Variants in FLOT2 observed in about 807,000 individuals in gnomAD.
The protein encoded by FLOT2 is flotillin 2, also known as flotillin-2.
Under a neutral mutation model 54.9 loss-of-function variants are expected in FLOT2, and 35 were observed. That is an observed-to-expected ratio of 0.64 (90% CI 0.49 to 0.84). The LOEUF (loss-of-function observed/expected upper bound fraction) is 0.84, where lower values mean the gene tolerates loss of function less well. Ranked by LOEUF, FLOT2 falls within the 40% of genes least tolerant of loss-of-function variation. FLOT2 has a pLI of 0.00. For missense variants in FLOT2, 464 were observed against 572.1 expected, an observed-to-expected ratio of 0.81 and a Z score of 1.93; for synonymous variants, 207 against 228.9, an observed-to-expected ratio of 0.90 and a Z score of 0.86.
At position 28,897,329 on chromosome 17, in the gene FLOT2, T is replaced by G. The variant is rs944791438; in HGVS notation, c.49+197A>C. 6.6e-6 allele frequency among the ~76,000 whole-genome samples: 1 copy of G among 152,226 alleles called. No individual in the cohort carries two copies. ...AACCCACAGCGGGAGGGGGAGCCCC[T>G]GGTGGGTGCCCGAGGGTGCGCAGCA... is the stretch of plus-strand genomic sequence containing the variant. On this transcript the variant is annotated intron_variant, in intron 1 of 10. Transcript: ENST00000394908. The surrounding 1 kb of genome is among the most constrained non-coding windows in gnomAD (Gnocchi z 4.4).
rs1258281167 is a variant in FLOT2, at chr17:28,897,536, C to T, written c.39G>A (p.Leu13=). 3.1e-6 allele frequency: 5 copies of T among 1,606,504 alleles called. No homozygotes were observed. Among genetic ancestry groups the T allele is most frequent in the Non-Finnish European group, 4.2e-6 (5 of 1,176,808 alleles). The change falls in exon 1 of 11, where the codon CTG becomes CTA. Residue 13 remains leucine (L), a synonymous_variant. Transcript: ENST00000394908. This position sits in a 1 kb window ranked among gnomAD's most constrained non-coding sequence, Gnocchi z 4.4. ...TCGCCGCCCCCTCACCTGAAACCAC[C>T]AGCGCCTCGTTGGGCCCCACCGTGT... is the stretch of plus-strand genomic sequence containing the variant. The part of the protein sequence containing the change: ...NCHTVGPNEA[L]VVSGGCCGSD...
intron 2 of FLOT2, 63 bp downstream of exon 2, chr17:28,888,882 T>C: frequency 2.8e-6 from 3 of 1,088,068 alleles, no homozygotes. Flanking sequence ...AGCAGAACAA[T>C]GCTGGAAGCC....
chr17:28,880,255 C>T lies in FLOT2; in HGVS notation c.*306G>A. 1.6e-6 allele frequency: 2 copies of T among 1,257,754 alleles called. No homozygotes were observed. The highest frequency in any genetic ancestry group is 2.1e-5 in the South Asian group (1 of 47,630). 77.9% of individuals were successfully genotyped at this position (1,257,754 alleles called of 1,614,324 possible). ...CACAGAGAGTGATTGTAATAAACATCTTCAGCTTAATCTACATGATGTGCA... is the reference window on the plus strand; with the variant it reads ...CACAGAGAGTGATTGTAATAAACATTTTCAGCTTAATCTACATGATGTGCA... On this transcript the variant is annotated 3_prime_UTR_variant, in exon 11 of 11. Transcript: ENST00000394908.
intron 1 of FLOT2, among the ~76,000 whole-genome samples, chr17:28,894,399 G>A (rs1345555051): frequency 6.6e-6 from 1 of 152,048 alleles, no homozygotes. Context: ...CGAGGTGGGC[G>A]GATCACTTGA....
intron 1 of FLOT2, among the ~76,000 whole-genome samples, chr17:28,894,964 T>C (rs1340258686): frequency 1.3e-5 from 2 of 151,040 alleles, no homozygotes; most frequent in Non-Finnish European, 2.9e-5. Flanking sequence ...CAGGCTGGAG[T>C]GCAGTGGTGT....
In FLOT2 at chr17:28,888,962, A is replaced by ACACC; in HGVS notation, c.110_113dup (p.Cys38TrpfsTer53). On this transcript the variant is annotated frameshift_variant, in exon 2 of 11. Transcript: ENST00000394908. LOFTEE classifies it high-confidence loss of function. ...GTGCTTACCTCTGAGTGTCGGAGAT[A>ACACC]CACCACCAGGCCCAGGCCCAGCCGC... 6.2e-7 allele frequency: 1 copy of ACACC among 1,614,114 alleles called. No individual in the cohort carries two copies. Among genetic ancestry groups the ACACC allele is most frequent in the Non-Finnish European group, 8.5e-7 (1 of 1,179,968 alleles).
chr17:28,889,696 G>C (rs954586519), intron 1 of FLOT2, among the ~76,000 whole-genome samples: 9 of 151,830 alleles, frequency 5.9e-5, no homozygotes, highest in Non-Finnish European at 1.2e-4. Flanking sequence ...CTGGAGTGCA[G>C]TGGCGTGATC....
Position 28,880,790 on chromosome 17 carries a change from C to A in FLOT2, c.1171G>T (p.Val391Phe). The A allele has an allele frequency of 1.2e-6, 2 of 1,614,202 alleles. No homozygotes were observed. The highest frequency in any genetic ancestry group is 1.7e-6 in the Non-Finnish European group (2 of 1,180,034). Residue 391 changes from valine (V) to phenylalanine (F), a missense_variant, in exon 10 of 11, where the codon GTC becomes TTC. Coordinates refer to ENST00000394908, the MANE Select transcript of FLOT2 (RefSeq NM_004475.3). ...AGCAGTCGGTTCACTTCTGATGTGA[C>A]CTTACTGTTGTCTCCACTGAGGACC... The part of the protein sequence containing the change: ...IVVLSGDNSK[V>F]TSEVNRLLAE...
chr17:28,894,577 T>C (rs1479242506), intron 1 of FLOT2, among the ~76,000 whole-genome samples: 1 of 149,146 alleles, frequency 6.7e-6, no homozygotes, highest in Non-Finnish European at 1.5e-5. Flanking sequence ...TGAGCTGAAG[T>C]CATACCACTG....
In FLOT2 at chr17:28,882,807, T is replaced by C. The variant is rs2039478672; in HGVS notation, c.347-116A>G. 3 of 732,340 alleles carry C rather than the reference T, an allele frequency of 4.1e-6. No homozygotes were observed. Among genetic ancestry groups the C allele is most frequent in the Admixed American group, 2.2e-5 (1 of 45,102 alleles). The allele number at this position is 732,340 out of a possible 1,614,324, so 45.4% of individuals were successfully genotyped here. On this transcript the variant is annotated intron_variant, in intron 4 of 10. Transcript: ENST00000394908. This position sits in a 1 kb window ranked among gnomAD's most constrained non-coding sequence, Gnocchi z 5.6. The stretch of plus-strand genomic sequence containing the variant: ...GGGGTGCTGCACTCTGAGCTGGGTC[T>C]TCCTGGGGTATCTTCTCAACAGCAC...
intron 2 of FLOT2, chr17:28,885,866 C>T (rs1269715129): frequency 7.1e-6 from 11 of 1,546,448 alleles, no homozygotes; most frequent in Non-Finnish European, 9.6e-6. Flanking sequence ...CCTGTGCAAC[C>T]CCTGTTACGA....
chr17:28,891,426 A>G (rs760303528), intron 1 of FLOT2, among the ~76,000 whole-genome samples: 34 of 152,200 alleles, frequency 2.2e-4, no homozygotes, highest in Non-Finnish European at 3.8e-4. Context: ...CCCTTGAGAA[A>G]CACACACCAC....
In FLOT2 at chr17:28,884,417, G is replaced by A. The variant is rs747338211; in HGVS notation, c.132-102C>T. ...CACTGCTCCGGCTGGGTCCTGGTGA[G>A]GAAGGTGGAGGGAGGACTCTCCACG... On this transcript the variant is annotated intron_variant, in intron 2 of 10. Transcript: ENST00000394908. This position sits in a 1 kb window ranked among gnomAD's most constrained non-coding sequence, Gnocchi z 5.1. 7 of 700,970 alleles carry A rather than the reference G, an allele frequency of 1.0e-5. No individual in the cohort carries two copies. Among genetic ancestry groups the A allele is most frequent in the Non-Finnish European group, 1.7e-5 (7 of 406,424 alleles). The allele number at this position is 700,970 out of a possible 1,614,324, so 43.4% of individuals were successfully genotyped here.
rs549493057 is a variant in FLOT2 at position 28,879,837 on chromosome 17, G to A, written c.*724C>T. 7.4e-5 allele frequency: 73 copies of A among 986,112 alleles called. 1 individual carries two copies. The Middle Eastern group carries it at 1.6e-3, about 21-fold the overall frequency. 61.1% of individuals were successfully genotyped at this position (986,112 alleles called of 1,614,324 possible). A position where few individuals can be genotyped will look rare whatever the true frequency, so the allele number is the denominator to read the frequency against. Reference sequence around the variant, plus strand: ...CCAGCAGGAACATGCCCATGAAGAGGCCTTCCCTGAGCACAAGCAGGGGCC... The same window carrying A: ...CCAGCAGGAACATGCCCATGAAGAGACCTTCCCTGAGCACAAGCAGGGGCC... On this transcript the variant is annotated 3_prime_UTR_variant, in exon 11 of 11. Transcript: ENST00000394908.
chr17:28,893,620 A>G (rs565859053), intron 1 of FLOT2, among the ~76,000 whole-genome samples: 32 of 152,224 alleles, frequency 2.1e-4, no homozygotes, highest in Admixed American at 9.1e-4. Context: ...ACCCTCTCAT[A>G]TTGTTTTATA....
intron 1 of FLOT2, among the ~76,000 whole-genome samples, chr17:28,889,514 TACAG>T (rs1432736408): frequency 2.6e-5 from 4 of 151,982 alleles, no homozygotes; most frequent in Non-Finnish European, 4.4e-5. Context: ...GTATTTTTAG[TACAG>T]ACAGAGTTTC....
rs568484908 is a variant in FLOT2, at chr17:28,885,097, G to A, written c.132-782C>T. Among the ~76,000 whole-genome samples the A allele has an allele frequency of 2.6e-5, 4 of 152,326 alleles. No homozygotes were observed. In the South Asian group the frequency reaches 6.2e-4, roughly 24 times the overall value. ...CTTTGCAGGTGTTTCAAGTGTAGGT[G>A]TGGGTATGGAAGGAGAGAGGACTGC... On this transcript the variant is annotated intron_variant, in intron 2 of 10. Transcript: ENST00000394908.
chr17:28,889,201 G>A (rs1598097332), intron 1 of FLOT2, among the ~76,000 whole-genome samples, 175 bp from the exon 2 acceptor site: 1 of 152,288 alleles, frequency 6.6e-6, no homozygotes, highest in Admixed American at 6.5e-5. Flanking sequence ...TACCCTTATG[G>A]GAGTTAAAGT....
Position 28,881,172 on chromosome 17 carries a change from C to A in FLOT2, c.1098+20G>T. 1 of 1,607,702 alleles carries A rather than the reference C, an allele frequency of 6.2e-7. No homozygotes were observed. Among genetic ancestry groups the A allele is most frequent in the East Asian group, 2.2e-5 (1 of 44,630 alleles). On this transcript the variant is annotated intron_variant, in intron 9 of 10. Transcript: ENST00000394908. Reference sequence around the variant, plus strand: ...GCAAGGACACTTGAACCCTAGGACCCGCTTGGGTGGAAGCCTCACCTGGGG... The same window carrying A: ...GCAAGGACACTTGAACCCTAGGACCAGCTTGGGTGGAAGCCTCACCTGGGG...
Sources: allele counts gnomAD v4.1 joint callset (sites outside exome capture counted in the v4.1 genomes callset), GRCh38; gene constraint gnomAD v4.1.1; non-coding constraint Gnocchi (gnomAD v3.1); transcripts MANE v1.5; gene names NCBI Gene and HGNC (gene_info 2026-07-23, HGNC 2026-07-21).